The following CSMD3 variants were observed in gnomAD, a reference collection of about 807,000 sequenced individuals.
CSMD3 encodes CUB and Sushi multiple domains 3.
Under a neutral mutation model 435.2 loss-of-function variants are expected in CSMD3, and 177 were observed. That is an observed-to-expected ratio of 0.41 (90% confidence interval 0.36 to 0.46). The LOEUF is 0.46. CSMD3 is among the 20% of genes least tolerant of loss of function. The probability of loss-of-function intolerance (pLI) is 0.34; values close to 1 mark genes in which losing one functional copy is unlikely to be tolerated. For missense variants in CSMD3, 4,265 were observed against 4,504.6 expected, an observed-to-expected ratio of 0.95 and a Z score of 1.52; for synonymous variants, 1,656 against 1,520.5, an observed-to-expected ratio of 1.09 and a Z score of -2.07.
intron 32 of CSMD3, among the ~76,000 whole-genome samples, chr8:112,461,661 C>T (rs545502573): frequency 3.9e-4 from 59 of 152,172 alleles, no homozygotes; most frequent in East Asian, 1.4e-3. Context: ...ATTTATTACA[C>T]TTTAATGATA....
chr8:112,791,319 G>GGAAAAAAA (rs56289713), intron 13 of CSMD3, among the ~76,000 whole-genome samples: 1 of 103,180 alleles, frequency 9.7e-6, no homozygotes, highest in Non-Finnish European at 1.9e-5. Context: ...CATATCCTGT[G>GGAAAAAAA]AAAAAAAAAA....
chr8:112,390,761 C>A lies in CSMD3; in HGVS notation c.5837G>T (p.Arg1946Leu), dbSNP rs779645589. Residue 1946 changes from arginine (R) to leucine (L), a missense_variant, in exon 36 of 71, where the codon CGC becomes CTC. Arg to Leu is a moderately radical substitution (Grantham distance 102). Transcript: ENST00000297405. ...TCCAGGTGACAAAATAGTCCCTTTG[C>A]GCTTAGTTAAAATTCCACCACAGGG... ...IVPCGGILTK[R>L]KGTILSPGYP... The A allele has an allele frequency of 6.8e-6, 11 of 1,613,106 alleles. No homozygotes were observed. The Admixed American group carries it at 1.2e-4, about 17-fold the overall frequency.
chr8:112,471,504 T>G (rs1818517714), intron 32 of CSMD3, among the ~76,000 whole-genome samples: 1 of 152,208 alleles, frequency 6.6e-6, no homozygotes, highest in Non-Finnish European at 1.5e-5. Flanking sequence ...ACTTTGCTAA[T>G]GCTGGCATCA....
intron 1 of CSMD3, among the ~76,000 whole-genome samples, chr8:113,404,662 C>A (rs2129676117): frequency 6.6e-6 from 1 of 151,414 alleles, no homozygotes; most frequent in South Asian, 2.1e-4. Flanking sequence ...TTCTACACAC[C>A]TGCTCCTACA....
chr8:112,231,905 C>T (rs2129902493), intron 68 of CSMD3, among the ~76,000 whole-genome samples: 1 of 152,288 alleles, frequency 6.6e-6, no homozygotes, highest in Admixed American at 6.5e-5. Flanking sequence ...AAAGCAATGA[C>T]ATGAGGAAAT....
chr8:113,076,127 T>C (rs1478264121), intron 5 of CSMD3, among the ~76,000 whole-genome samples: 3 of 151,632 alleles, frequency 2.0e-5, no homozygotes, highest in Non-Finnish European at 4.4e-5. Flanking sequence ...AACTTTTTAT[T>C]TGTGATATGG....
At chr8:113,269,026 T>C (rs2093496300) in intron 3 of CSMD3, among the ~76,000 whole-genome samples, 1 of 152,246 alleles carries the variant, frequency 6.6e-6, no homozygotes, top group Non-Finnish European at 1.5e-5. Flanking sequence ...GAATCCAAGA[T>C]AATTGCAAAA....
intron 4 of CSMD3, among the ~76,000 whole-genome samples, chr8:113,170,006 T>G (rs926489924): frequency 1.3e-5 from 2 of 152,074 alleles, no homozygotes; most frequent in African/African-American, 4.8e-5. Flanking sequence ...ACCCTCTAGG[T>G]TGATGTGGAA....
chr8:112,404,946 G>C (rs1004238223), intron 35 of CSMD3, among the ~76,000 whole-genome samples: 5 of 151,328 alleles, frequency 3.3e-5, no homozygotes, highest in African/African-American at 1.2e-4. Context: ...GGGAGGCCGA[G>C]GGGGGTGGAT....
intron 28 of CSMD3, among the ~76,000 whole-genome samples, chr8:112,513,168 A>G (rs976144122): frequency 2.0e-5 from 3 of 152,166 alleles, no homozygotes; most frequent in Non-Finnish European, 4.4e-5. Flanking sequence ...TAGAATTTTC[A>G]ATTTCTGTCA....
At chr8:112,235,838 G>A (rs796652736) in intron 67 of CSMD3, among the ~76,000 whole-genome samples, 1 of 152,068 alleles carries the variant, frequency 6.6e-6, no homozygotes, top group Non-Finnish European at 1.5e-5. Context: ...GAGACAGTAA[G>A]TGAAAGCGAA....
intron 12 of CSMD3, among the ~76,000 whole-genome samples, chr8:112,813,669 T>C (rs1483064619): frequency 6.6e-6 from 1 of 152,104 alleles, no homozygotes; most frequent in East Asian, 1.9e-4. Context: ...ATTTTAAGCA[T>C]TTATCTTCAA....
chr8:113,147,074 C>T (rs924063705), intron 4 of CSMD3, among the ~76,000 whole-genome samples: 1 of 151,512 alleles, frequency 6.6e-6, no homozygotes, highest in Non-Finnish European at 1.5e-5. Flanking sequence ...TATTTTATGG[C>T]CTTAGCAGCC....
chr8:112,493,199 T>C (rs1820878053), intron 30 of CSMD3, among the ~76,000 whole-genome samples: 1 of 152,158 alleles, frequency 6.6e-6, no homozygotes, highest in Admixed American at 6.5e-5. Flanking sequence ...TCTAAAGATC[T>C]TCATAGATCT....
intron 49 of CSMD3, among the ~76,000 whole-genome samples, chr8:112,313,530 A>AT (rs1183000590): frequency 6.6e-6 from 1 of 152,134 alleles, no homozygotes; most frequent in East Asian, 1.9e-4. Flanking sequence ...AAACAAATCT[A>AT]TTTTTTAAAG....
intron 53 of CSMD3, among the ~76,000 whole-genome samples, chr8:112,296,424 G>A (rs1275310592): frequency 6.6e-6 from 1 of 151,904 alleles, no homozygotes; most frequent in Non-Finnish European, 1.5e-5. Flanking sequence ...GGTGGCAGGC[G>A]CCTGTAGTCC....
intron 22 of CSMD3, among the ~76,000 whole-genome samples, chr8:112,630,648 A>G (rs1219302944): frequency 6.6e-6 from 1 of 152,156 alleles, no homozygotes; most frequent in African/African-American, 2.4e-5. Flanking sequence ...TTAGGTGGTA[A>G]GTCATAAGGA....
At chr8:112,622,785 T>G (rs954756327) in intron 22 of CSMD3, among the ~76,000 whole-genome samples, 1 of 152,174 alleles carries the variant, frequency 6.6e-6, no homozygotes, top group Admixed American at 6.6e-5. Flanking sequence ...GATAGTTTTT[T>G]GCATCACAGA....
Position 112,624,354 on chromosome 8 carries a change from C to CT in CSMD3, c.3715+12462dup, listed in dbSNP as rs529294788. On this transcript the variant is annotated intron_variant, in intron 22 of 70. Transcript: ENST00000297405. ...TTTATTTTTAGTCTATTTTAGTCTT[C>CT]TTTTTTTCTCCTGAAGAAAATAAAA... Among the ~76,000 whole-genome samples, 109 of 152,088 alleles carry CT rather than the reference C, an allele frequency of 7.2e-4. 2 individuals are homozygous for CT. In the East Asian group the frequency reaches 0.016, roughly 23 times the overall value.
Sources: allele counts gnomAD v4.1 joint callset (sites outside exome capture counted in the v4.1 genomes callset), GRCh38; gene constraint gnomAD v4.1.1; transcripts MANE v1.5; gene names NCBI Gene and HGNC (gene_info 2026-07-23, HGNC 2026-07-21).